ITPRID2: variants seen among roughly 807,000 people sequenced by gnomAD.
The protein encoded by ITPRID2 is ITPR interacting domain containing 2.
In ITPRID2, 60 loss-of-function variants were observed where a neutral mutation model predicts 124.3. That is an observed-to-expected ratio of 0.48 (90% CI 0.39 to 0.60). The LOEUF (loss-of-function observed/expected upper bound fraction) is 0.60, where lower values mean the gene tolerates loss of function less well. Ranked by LOEUF, ITPRID2 falls within the 20% of genes least tolerant of loss-of-function variation. The pLI is 0.00. For missense variants in ITPRID2, 1,553 were observed against 1,512.2 expected, an observed-to-expected ratio of 1.03 and a Z score of -0.45; for synonymous variants, 521 against 542.9, an observed-to-expected ratio of 0.96 and a Z score of 0.56.
In ITPRID2 at chr2:181,909,953, C is replaced by G. The variant is rs1693470442; in HGVS notation, c.1468C>G (p.Leu490Val). ...PHVPATYQLGLTKSKRDHLLR... is the reference protein window; with the variant it reads ...PHVPATYQLGVTKSKRDHLLR... ...TGTTCCAGCCACTTACCAGCTAGGT[C>G]TTACGAAGTCGAAAAGAGGTAAGTG... is the stretch of plus-strand genomic sequence containing the variant. Residue 490 changes from leucine to valine, a missense_variant, in exon 9 of 18, where the codon CTT becomes GTT. Physicochemically the swap from Leu to Val is conservative, Grantham distance 32. Coordinates refer to ENST00000431877, the MANE Select transcript of ITPRID2 (RefSeq NM_001130445.3). The G allele has an allele frequency of 3.7e-6, 6 of 1,613,030 alleles. No homozygotes were observed. Among genetic ancestry groups the G allele is most frequent in the Middle Eastern group, 3.3e-4 (2 of 6,056 alleles).
chr2:181,893,392 T>A (rs1338289231), intron 2 of ITPRID2: 1 of 152,244 alleles, frequency 6.6e-6, no homozygotes, highest in East Asian at 1.9e-4. Flanking sequence ...AAACTTTTGT[T>A]GGTGTTTGCT....
At position 181,915,762 on chromosome 2, in the gene ITPRID2, C is replaced by G; in HGVS notation, c.2122C>G (p.Gln708Glu). The change falls in exon 11 of 18, where the codon CAA becomes GAA. Residue 708 changes from glutamine to glutamate, a missense_variant. By Grantham distance (29) the Gln-to-Glu change is conservative. Transcript: ENST00000431877. ...AQMKVCSLSN[Q>E]RMGRSLLKSK... is the part of the protein sequence containing the mutation. ...AATGAAGGTTTGCAGTCTGTCTAAT[C>G]AAAGGATGGGGCGTAGCCTGCTAAA... 1.9e-6 allele frequency: 3 copies of G among 1,614,064 alleles called. No homozygotes were observed. Among genetic ancestry groups the G allele is most frequent in the South Asian group, 2.2e-5 (2 of 91,074 alleles).
rs774197319 is a variant in ITPRID2, at chr2:181,905,181, C to T, written c.1413+2715C>T. 2.0e-5 allele frequency among the ~76,000 whole-genome samples: 3 copies of T among 151,358 alleles called. No homozygotes were observed. The highest frequency in any genetic ancestry group is 4.4e-5 in the Non-Finnish European group (3 of 67,938). ...TCTCCTGCCTCAGCTTCCTGAGTAG[C>T]TGGGATTACAGGCACATACCACCAC... On this transcript the variant is annotated intron_variant, in intron 8 of 17. Transcript: ENST00000431877. This position sits in a 1 kb window ranked among gnomAD's most constrained non-coding sequence, Gnocchi z 4.1.
intron 7 of ITPRID2, among the ~76,000 whole-genome samples, chr2:181,901,154 A>G (rs1486144013): frequency 6.6e-6 from 1 of 152,090 alleles, no homozygotes; most frequent in Non-Finnish European, 1.5e-5. Context: ...GCAGAACCTT[A>G]TTGTTGTCTA....
intron 8 of ITPRID2, among the ~76,000 whole-genome samples, chr2:181,908,286 G>A (rs1444433764): frequency 6.6e-6 from 1 of 152,134 alleles, no homozygotes; most frequent in Non-Finnish European, 1.5e-5. Flanking sequence ...AAACATGACA[G>A]TGAGAGATTT....
At position 181,910,807 on chromosome 2, in the gene ITPRID2, A is replaced by G. The variant is rs1693546455; in HGVS notation, c.1486+836A>G. Among the ~76,000 whole-genome samples, 1 of 152,060 alleles carries G rather than the reference A, an allele frequency of 6.6e-6. No homozygotes were observed. The highest frequency in any genetic ancestry group is 2.1e-4 in the South Asian group (1 of 4,824). On this transcript the variant is annotated intron_variant, in intron 9 of 17. Coordinates refer to ENST00000431877, the MANE Select transcript of ITPRID2 (RefSeq NM_001130445.3). This position sits in a 1 kb window ranked among gnomAD's most constrained non-coding sequence, Gnocchi z 4.1. ...TTTTTTTCTTTTATTGCAATATGGT[A>G]TTAAGAAACAAGAGCTTCACTCTCA...
chr2:181,906,283 CAG>C (rs1198270997), intron 8 of ITPRID2, among the ~76,000 whole-genome samples: 3 of 152,086 alleles, frequency 2.0e-5, no homozygotes, highest in Admixed American at 6.5e-5. Flanking sequence ...CAGTGCTTCA[CAG>C]GGGGAAGGAG....
In ITPRID2 at chr2:181,902,782, A is replaced by G. The variant is rs1246558405; in HGVS notation, c.1413+316A>G. Among the ~76,000 whole-genome samples the G allele has an allele frequency of 6.6e-6, 1 of 152,210 alleles. No individual in the cohort carries two copies. The highest frequency in any genetic ancestry group is 2.4e-5 in the African/African-American group (1 of 41,446). On this transcript the variant is annotated intron_variant, in intron 8 of 17. Transcript: ENST00000431877. The surrounding 1 kb of genome is among the most constrained non-coding windows in gnomAD (Gnocchi z 4.4). ...AGAGAGTATATTTAAATTCAAAGCA[A>G]TATTGCATAATAGTTAGAAACACAG... is the stretch of plus-strand genomic sequence containing the variant.
rs747384635 is a variant in ITPRID2, at chr2:181,915,785, A to G, written c.2145A>G (p.Leu715=). ...ATCAAAGGATGGGGCGTAGCCTGCT[A>G]AAATCAAAAGATTTGTTAAAACAAA... ...LSNQRMGRSL[L]KSKDLLKQRY... Residue 715 remains leucine, a synonymous_variant, in exon 11 of 18, where the codon CTA becomes CTG. Coordinates refer to ENST00000431877, the MANE Select transcript of ITPRID2 (RefSeq NM_001130445.3). The G allele has an allele frequency of 6.2e-7, 1 of 1,614,168 alleles. No homozygotes were observed. The highest frequency in any genetic ancestry group is 1.6e-4 in the Middle Eastern group (1 of 6,062).
Position 181,922,358 on chromosome 2 carries a change from T to C in ITPRID2, c.3621T>C (p.Ala1207=), listed in dbSNP as rs1694544616. ...GHGKLPSMPA[A]EEMHKNVEQD... ...GAAAACTCCCATCAATGCCAGCTGCTGAGGAAATGCATAAAAATGTGGAGC... is the reference window on the plus strand; with the variant it reads ...GAAAACTCCCATCAATGCCAGCTGCCGAGGAAATGCATAAAAATGTGGAGC... Residue 1207 remains alanine, a synonymous_variant, in exon 16 of 18, where the codon GCT becomes GCC. Transcript: ENST00000431877. 2 of 1,614,012 alleles carry C rather than the reference T, an allele frequency of 1.2e-6. No homozygotes were observed. Among genetic ancestry groups the C allele is most frequent in the Non-Finnish European group, 1.7e-6 (2 of 1,179,996 alleles).
At chr2:181,894,175 A>C (rs141217642) in intron 2 of ITPRID2, 1 of 152,250 alleles carries the variant, frequency 6.6e-6, no homozygotes, top group Non-Finnish European at 1.5e-5. Flanking sequence ...GAAGAATCAC[A>C]CTATAGTTTA....
intron 2 of ITPRID2, chr2:181,893,198 A>G (rs1203248972): frequency 1.3e-5 from 2 of 158,438 alleles, no homozygotes; most frequent in Non-Finnish European, 2.8e-5. Context: ...ATTCTCAGGG[A>G]ATAGAACTTT....
chr2:181,892,685 G>A lies in ITPRID2; in HGVS notation c.257+25G>A, dbSNP rs774348454. 1.9e-6 allele frequency: 3 copies of A among 1,613,670 alleles called. No individual in the cohort carries two copies. Among genetic ancestry groups the A allele is most frequent in the African/African-American group, 1.3e-5 (1 of 74,898 alleles). On this transcript the variant is annotated intron_variant, in intron 2 of 17. Coordinates refer to ENST00000431877, the MANE Select transcript of ITPRID2 (RefSeq NM_001130445.3). The surrounding 1 kb of genome is among the most constrained non-coding windows in gnomAD (Gnocchi z 5.2). Reference sequence around the variant, plus strand: ...GGTGAGTGCTCCCTGGTCCGCCCGCGTCCCGGGGGAGATCCGTGCGGACGG... The same window carrying A: ...GGTGAGTGCTCCCTGGTCCGCCCGCATCCCGGGGGAGATCCGTGCGGACGG...
At position 181,891,962 on chromosome 2, in the gene ITPRID2, C is replaced by T. The variant is rs1691728465; in HGVS notation, c.-105C>T. The T allele has an allele frequency of 8.9e-7, 1 of 1,128,066 alleles. No individual in the cohort carries two copies. Among genetic ancestry groups the T allele is most frequent in the Non-Finnish European group, 1.2e-6 (1 of 814,910 alleles). 69.9% of individuals were successfully genotyped at this position (1,128,066 alleles called of 1,614,324 possible). A position where few individuals can be genotyped will look rare whatever the true frequency, so the allele number is the denominator to read the frequency against. On this transcript the variant is annotated 5_prime_UTR_variant, in exon 1 of 18. Transcript: ENST00000431877. Reference sequence around the variant, plus strand: ...TCCTCCGGCGCCCGCTTCAGCTCCCCGGGGCCCCCTGCCCGGCCGGGCGCT... The same window carrying T: ...TCCTCCGGCGCCCGCTTCAGCTCCCTGGGGCCCCCTGCCCGGCCGGGCGCT...
chr2:181,918,511 G>C, intron 11 of ITPRID2, 87 bp from the exon 12 acceptor site: 1 of 1,556,958 alleles, frequency 6.4e-7, no homozygotes, highest in Non-Finnish European at 8.6e-7. Context: ...AAATATATAG[G>C]CCCCAAATTC....
intron 16 of ITPRID2, among the ~76,000 whole-genome samples, chr2:181,924,108 A>G (rs1309358005): frequency 1.3e-5 from 2 of 152,192 alleles, no homozygotes; most frequent in Non-Finnish European, 2.9e-5. Flanking sequence ...AATTTGGCAT[A>G]GGCTTGAGGA....
At position 181,910,013 on chromosome 2, in the gene ITPRID2, A is replaced by C; in HGVS notation, c.1486+42A>C. ...CCACTAGTTCTGAGCACATTATCAA[A>C]TATTAGTTGATTTGGAAAAGGGGTT... On this transcript the variant is annotated intron_variant, in intron 9 of 17. Transcript: ENST00000431877. This position sits in a 1 kb window ranked among gnomAD's most constrained non-coding sequence, Gnocchi z 4.1. The C allele has an allele frequency of 2.7e-6, 4 of 1,467,438 alleles. No individual in the cohort carries two copies. The highest frequency in any genetic ancestry group is 3.8e-6 in the Non-Finnish European group (4 of 1,051,882). 90.9% of individuals were successfully genotyped at this position (1,467,438 alleles called of 1,614,324 possible).
At chr2:181,916,637 T>G (rs996459410) in intron 11 of ITPRID2, 46 of 783,150 alleles carry the variant, frequency 5.9e-5, no homozygotes, top group Non-Finnish European at 1.3e-5. Flanking sequence ...AGTCGATTTC[T>G]CTGCTCACAA....
At chr2:181,897,953 C>G (rs940139079) in intron 4 of ITPRID2, among the ~76,000 whole-genome samples, 1 of 151,924 alleles carries the variant, frequency 6.6e-6, no homozygotes, top group Admixed American at 6.6e-5. Context: ...TACAATTGAA[C>G]ATGTTGTCAA....
Sources: gnomAD v4.1 joint callset for allele counts (sites outside exome capture counted in the v4.1 genomes callset) on GRCh38, gnomAD v4.1.1 for gene constraint, Gnocchi (gnomAD v3.1) non-coding constraint, MANE v1.5 for transcripts, NCBI Gene and HGNC (gene_info 2026-07-23, HGNC 2026-07-21) for gene names.